ZNF652: variants seen among roughly 807,000 people sequenced by gnomAD.
The protein encoded by ZNF652 is zinc finger protein 652.
ZNF652 carries 16 observed loss-of-function variants against 45.2 expected under a neutral mutation model. The observed-to-expected ratio is 0.35, with a 90% CI of 0.24 to 0.54. The LOEUF is 0.54. ZNF652 is among the 20% of genes least tolerant of loss of function. The pLI is 0.91. For synonymous variants in ZNF652, 250 were observed against 260.6 expected (o/e 0.96, Z 0.39); for missense variants, 614 against 765.6 (o/e 0.80, Z 2.34).
rs1157909457 is a variant in ZNF652 at position 49,298,818 on chromosome 17, A to G, written c.1416T>C (p.Asp472=). The change falls in exon 6 of 6, where the codon GAT becomes GAC. Residue 472 remains aspartate (D), a synonymous_variant. Transcript: ENST00000430262. Reference sequence around the variant, plus strand: ...AGAAGCGGAACCGCTGGCCACACACATCACATGGATAGGGCTTCTCGCCTG... The same window carrying G: ...AGAAGCGGAACCGCTGGCCACACACGTCACATGGATAGGGCTTCTCGCCTG... ...THTGEKPYPC[D]VCGQRFRFSN... The G allele has an allele frequency of 6.2e-7, 1 of 1,614,138 alleles. No homozygotes were observed. The highest frequency in any genetic ancestry group is 2.2e-5 in the East Asian group (1 of 44,890).
chr17:49,294,344 A>G lies in ZNF652; in HGVS notation c.*4069T>C, dbSNP rs1027565608. Among the ~76,000 whole-genome samples the G allele has an allele frequency of 9.2e-5, 14 of 152,322 alleles. No homozygotes were observed. Among genetic ancestry groups the G allele is most frequent in the Non-Finnish European group, 1.9e-4 (13 of 68,028 alleles). On this transcript the variant is annotated 3_prime_UTR_variant, in exon 6 of 6. Transcript: ENST00000430262. ...TGGTAATGGCCATGCTTAGTCATTA[A>G]TCTAGAACAGTTAATGTAAATGGTA...
chr17:49,345,502 G>C (rs1457525365), intron 1 of ZNF652, among the ~76,000 whole-genome samples: 1 of 149,524 alleles, frequency 6.7e-6, no homozygotes, highest in African/African-American at 2.4e-5. Context: ...GCGCCTGGCC[G>C]TGTTATTTCT....
chr17:49,329,119 G>A (rs1262148985), intron 1 of ZNF652, among the ~76,000 whole-genome samples: 8 of 152,188 alleles, frequency 5.3e-5, no homozygotes, highest in African/African-American at 1.9e-4. Flanking sequence ...CAGAATGTTA[G>A]GTTAATTCAT....
intron 4 of ZNF652, 141 bp downstream of exon 4, chr17:49,311,786 A>C: frequency 3.0e-6 from 2 of 671,150 alleles, no homozygotes; most frequent in Non-Finnish European, 2.6e-6. Flanking sequence ...GACAGCGCAC[A>C]CAGAGCTCAG....
At chr17:49,330,909 C>A (rs2070016121) in intron 1 of ZNF652, among the ~76,000 whole-genome samples, 1 of 137,644 alleles carries the variant, frequency 7.3e-6, no homozygotes, top group Non-Finnish European at 1.6e-5. Context: ...AACAAACAAA[C>A]AAAAACCAAA....
chr17:49,354,914 T>G (rs2070319847), intron 1 of ZNF652, among the ~76,000 whole-genome samples: 1 of 151,862 alleles, frequency 6.6e-6, no homozygotes, highest in Admixed American at 6.6e-5. Context: ...TTAGTAGAGA[T>G]GGGGTTTCTC....
chr17:49,299,421 C>T (rs1270857225), intron 5 of ZNF652, among the ~76,000 whole-genome samples: 2 of 152,070 alleles, frequency 1.3e-5, no homozygotes, highest in East Asian at 1.9e-4. Context: ...GCTCCTGTCA[C>T]GCAGGCTACA....
chr17:49,319,805 C>A (rs962094033), intron 1 of ZNF652, among the ~76,000 whole-genome samples: 1 of 152,062 alleles, frequency 6.6e-6, no homozygotes, highest in Non-Finnish European at 1.5e-5. Flanking sequence ...CCACACCTGG[C>A]TAATTTTCAA....
At chr17:49,313,810 T>A (rs2069752819) in intron 2 of ZNF652, among the ~76,000 whole-genome samples, 1 of 150,436 alleles carries the variant, frequency 6.6e-6, no homozygotes, top group Non-Finnish European at 1.5e-5. Context: ...CCATCTCTAC[T>A]AAAAATAAAA....
chr17:49,352,071 T>C (rs2070288679), intron 1 of ZNF652, among the ~76,000 whole-genome samples: 1 of 152,220 alleles, frequency 6.6e-6, no homozygotes, highest in Non-Finnish European at 1.5e-5. Context: ...TTAACTGCAA[T>C]ATTAGCTATA....
At chr17:49,307,435 GAAAAAAAAAAAAA>G (rs1175854049) in intron 5 of ZNF652, among the ~76,000 whole-genome samples, 2 of 40,482 alleles carry the variant, frequency 4.9e-5, no homozygotes, top group Non-Finnish European at 8.8e-5. Context: ...TGTCTCAAAA[GAAAAAAAAAAAAA>G]AAAAAAAAAA....
At chr17:49,350,813 T>C (rs1250795045) in intron 1 of ZNF652, among the ~76,000 whole-genome samples, 3 of 150,580 alleles carry the variant, frequency 2.0e-5, no homozygotes, top group Non-Finnish European at 4.4e-5. Flanking sequence ...CTACTAAAAA[T>C]ACAAAAATTA....
chr17:49,351,014 TACACACACAC>T lies in ZNF652; in HGVS notation c.-259+10885_-259+10894del, dbSNP rs370792940. Among the ~76,000 whole-genome samples, 93 of 29,664 alleles carry T rather than the reference TACACACACAC, an allele frequency of 3.1e-3. 3 individuals are homozygous for T. The highest frequency in any genetic ancestry group is 0.026 in the South Asian group (28 of 1,076). The allele number at this position is 29,664 out of a possible 152,430, so 19.5% of individuals were successfully genotyped here. A position where few individuals can be genotyped will look rare whatever the true frequency, so the allele number is the denominator to read the frequency against. On this transcript the variant is annotated intron_variant, in intron 1 of 5. Transcript: ENST00000430262. ...ATATATATATATATATATATATATA[TACACACACAC>T]ACACACACACACACACACACACACA...
At chr17:49,350,689 G>A (rs2070261467) in intron 1 of ZNF652, among the ~76,000 whole-genome samples, 2 of 149,964 alleles carry the variant, frequency 1.3e-5, no homozygotes, top group African/African-American at 4.9e-5. Flanking sequence ...TTAAAAAATG[G>A]CTGGGTGCAG....
intron 5 of ZNF652, among the ~76,000 whole-genome samples, chr17:49,307,207 G>A (rs111395151): frequency 1.4e-3 from 214 of 152,014 alleles, no homozygotes; most frequent in African/African-American, 5.0e-3. Flanking sequence ...GGCTGAGGCG[G>A]GTGGATCACC....
At position 49,317,276 on chromosome 17, in the gene ZNF652, GCTTGT is replaced by G; in HGVS notation, c.445_449del (p.Thr149GlnfsTer2). 1.2e-6 allele frequency: 2 copies of G among 1,612,498 alleles called. No individual in the cohort carries two copies. The highest frequency in any genetic ancestry group is 1.3e-5 in the African/African-American group (1 of 74,908). On this transcript the variant is annotated frameshift_variant, in exon 2 of 6. Transcript: ENST00000430262. LOFTEE classifies it high-confidence loss of function. ...CACTCTCTTCCTCTTCCTCCTCACT[GCTTGT>G]CTTAAGAACAGGAGTCTCTTTGGAC...
chr17:49,358,760 G>A (rs2070363930), intron 1 of ZNF652, among the ~76,000 whole-genome samples: 1 of 152,194 alleles, frequency 6.6e-6, no homozygotes, highest in Admixed American at 6.5e-5. Flanking sequence ...AGTTCTGGGT[G>A]TCACGAATCA....
chr17:49,348,928 T>G (rs2070240953), intron 1 of ZNF652, among the ~76,000 whole-genome samples: 1 of 152,134 alleles, frequency 6.6e-6, no homozygotes, highest in South Asian at 2.1e-4. Flanking sequence ...TCTTTTTTTC[T>G]AATAAGTGGT....
chr17:49,350,887 T>C (rs1446933413), intron 1 of ZNF652, among the ~76,000 whole-genome samples: 1 of 149,794 alleles, frequency 6.7e-6, no homozygotes, highest in Non-Finnish European at 1.5e-5. Context: ...GGAGAATTGC[T>C]TGAACCCGAG....
Sources: allele counts gnomAD v4.1 joint callset (sites outside exome capture counted in the v4.1 genomes callset), GRCh38; gene constraint gnomAD v4.1.1; transcripts MANE v1.5; gene names NCBI Gene and HGNC (gene_info 2026-07-23, HGNC 2026-07-21).